Variants in GUCY1A2 observed in about 807,000 individuals in gnomAD.
GUCY1A2 encodes guanylate cyclase 1 soluble subunit alpha 2, also known as guanylate cyclase soluble subunit alpha-2.
Under a neutral mutation model 63.5 loss-of-function variants are expected in GUCY1A2, and 27 were observed. The ratio of observed to expected loss-of-function variants is 0.43; its 90% CI spans 0.31 to 0.59. The LOEUF is 0.59. GUCY1A2 is among the 20% of genes least tolerant of loss of function. The probability of loss-of-function intolerance (pLI) is 0.11; values close to 1 mark genes in which losing one functional copy is unlikely to be tolerated. For missense variants in GUCY1A2, 768 were observed against 913.3 expected, an observed-to-expected ratio of 0.84 and a Z score of 2.05; for synonymous variants, 364 against 343.5, an observed-to-expected ratio of 1.06 and a Z score of -0.66.
chr11:106,922,989 A>C (rs1401902604), intron 4 of GUCY1A2, among the ~76,000 whole-genome samples: 1 of 152,084 alleles, frequency 6.6e-6, no homozygotes, highest in Non-Finnish European at 1.5e-5. Flanking sequence ...GAAAATGAAA[A>C]GGAAATATAA....
At chr11:106,737,169 G>C (rs1253225417) in intron 6 of GUCY1A2, among the ~76,000 whole-genome samples, 1 of 152,228 alleles carries the variant, frequency 6.6e-6, no homozygotes, top group South Asian at 2.1e-4. Context: ...AAATTTATCA[G>C]TTTTATCACT....
At chr11:106,697,251 T>G (rs998481004) in intron 7 of GUCY1A2, among the ~76,000 whole-genome samples, 1 of 152,214 alleles carries the variant, frequency 6.6e-6, no homozygotes, top group East Asian at 1.9e-4. Context: ...ATGAGAATCT[T>G]TGCACTTTAA....
intron 3 of GUCY1A2, among the ~76,000 whole-genome samples, chr11:106,962,856 A>G (rs1468507510): frequency 1.3e-5 from 2 of 151,216 alleles, no homozygotes; most frequent in Non-Finnish European, 2.9e-5. Flanking sequence ...TCTTTTGTCT[A>G]TTCCAACAAA....
At chr11:106,884,617 A>C (rs762480426) in intron 4 of GUCY1A2, among the ~76,000 whole-genome samples, 17 of 152,140 alleles carry the variant, frequency 1.1e-4, no homozygotes, top group Non-Finnish European at 2.5e-4. Flanking sequence ...GAAAGAGTAA[A>C]GTTACAGAAA....
At chr11:106,731,845 G>GTTTTA (rs1205604452) in intron 6 of GUCY1A2, among the ~76,000 whole-genome samples, 1 of 151,896 alleles carries the variant, frequency 6.6e-6, no homozygotes, top group African/African-American at 2.4e-5. Context: ...TAACCATGGA[G>GTTTTA]GTAAAAGATC....
chr11:106,795,176 T>A (rs891056784), intron 5 of GUCY1A2, among the ~76,000 whole-genome samples: 3 of 152,146 alleles, frequency 2.0e-5, no homozygotes, highest in Non-Finnish European at 2.9e-5. Flanking sequence ...GACAAAGATA[T>A]AATTAAAATC....
chr11:106,946,748 T>C (rs1860834426), intron 3 of GUCY1A2, among the ~76,000 whole-genome samples: 1 of 152,012 alleles, frequency 6.6e-6, no homozygotes, highest in African/African-American at 2.4e-5. Flanking sequence ...GAGTATGGGG[T>C]TTCTTTTTGG....
chr11:106,683,583 T>C lies in GUCY1A2; in HGVS notation c.*3966A>G, dbSNP rs994798059. Reference sequence around the variant, plus strand: ...AATGAGGCACCAGCAACCCTTTCTGTAGCCATTCTGGGTTCAGAAGTGAAG... The same window carrying C: ...AATGAGGCACCAGCAACCCTTTCTGCAGCCATTCTGGGTTCAGAAGTGAAG... On this transcript the variant is annotated 3_prime_UTR_variant, in exon 8 of 8. Coordinates refer to ENST00000526355, the MANE Select transcript of GUCY1A2 (RefSeq NM_000855.3). 1 of 228,354 alleles carries C rather than the reference T, an allele frequency of 4.4e-6. No homozygotes were observed. 14.1% of individuals were successfully genotyped at this position (228,354 alleles called of 1,614,324 possible).
At chr11:106,961,643 G>C (rs182587773) in intron 3 of GUCY1A2, among the ~76,000 whole-genome samples, 1 of 152,260 alleles carries the variant, frequency 6.6e-6, no homozygotes, top group Non-Finnish European at 1.5e-5. Flanking sequence ...TGCTTCTTAA[G>C]TGTGCTTCAA....
chr11:106,754,096 T>G (rs1863931556), intron 6 of GUCY1A2, among the ~76,000 whole-genome samples: 1 of 152,216 alleles, frequency 6.6e-6, no homozygotes, highest in South Asian at 2.1e-4. Context: ...GATTCCCAGG[T>G]ATTTTATTCT....
At chr11:106,943,227 C>A (rs780905497) in intron 3 of GUCY1A2, among the ~76,000 whole-genome samples, 3 of 152,184 alleles carry the variant, frequency 2.0e-5, no homozygotes, top group Non-Finnish European at 2.9e-5. Context: ...ACAACTGATG[C>A]AATTCTGACT....
chr11:107,008,323 G>T (rs1427879644), intron 1 of GUCY1A2, among the ~76,000 whole-genome samples: 2 of 150,138 alleles, frequency 1.3e-5, no homozygotes, highest in Non-Finnish European at 3.0e-5. Context: ...CCCAAAGTGA[G>T]AGGCAATTTG....
At chr11:106,833,357 A>G (rs528631110) in intron 4 of GUCY1A2, among the ~76,000 whole-genome samples, 120 of 152,210 alleles carry the variant, frequency 7.9e-4, no homozygotes, top group African/African-American at 2.6e-3. Context: ...ACTCTCCTAA[A>G]TAATCTGTTC....
chr11:106,933,470 A>C (rs1300615894), intron 4 of GUCY1A2, among the ~76,000 whole-genome samples: 1 of 152,178 alleles, frequency 6.6e-6, no homozygotes, highest in Non-Finnish European at 1.5e-5. Flanking sequence ...GCTGTGGAGA[A>C]AAGGGAACAC....
At chr11:106,962,573 G>A (rs1861072516) in intron 3 of GUCY1A2, among the ~76,000 whole-genome samples, 1 of 147,960 alleles carries the variant, frequency 6.8e-6, no homozygotes, top group Non-Finnish European at 1.5e-5. Flanking sequence ...AAAAAAACTA[G>A]AAATGAAAGT....
chr11:106,923,092 C>A (rs1383331332), intron 4 of GUCY1A2, among the ~76,000 whole-genome samples: 1 of 152,062 alleles, frequency 6.6e-6, no homozygotes, highest in Non-Finnish European at 1.5e-5. Context: ...TTAGGGTTTT[C>A]TTTGCAATTT....
chr11:106,795,363 T>A (rs1194680422), intron 5 of GUCY1A2, among the ~76,000 whole-genome samples: 1 of 152,154 alleles, frequency 6.6e-6, no homozygotes, highest in Non-Finnish European at 1.5e-5. Context: ...AATTATGGAA[T>A]TTGGTAAGGG....
chr11:107,016,507 G>A (rs1379044807), intron 1 of GUCY1A2, among the ~76,000 whole-genome samples: 1 of 152,234 alleles, frequency 6.6e-6, no homozygotes, highest in Admixed American at 6.5e-5. Context: ...CCTCTGGAAG[G>A]ATGCCTACAA....
At chr11:106,789,859 GTC>G (rs1864627228) in intron 5 of GUCY1A2, among the ~76,000 whole-genome samples, 1 of 152,150 alleles carries the variant, frequency 6.6e-6, no homozygotes, top group Admixed American at 6.5e-5. Flanking sequence ...AACAATGGGA[GTC>G]TCTCTCTCTG....
Sources: allele counts gnomAD v4.1 joint callset (sites outside exome capture counted in the v4.1 genomes callset), GRCh38; gene constraint gnomAD v4.1.1; transcripts MANE v1.5; gene names NCBI Gene and HGNC (gene_info 2026-07-23, HGNC 2026-07-21).